CNTNAP5: variants seen among roughly 807,000 people sequenced by gnomAD.
CNTNAP5 encodes the protein contactin-associated protein-like 5.
A neutral mutation model predicts 150.2 loss-of-function variants in CNTNAP5; 72 were observed. The observed-to-expected ratio is 0.48, with a 90% confidence interval of 0.40 to 0.58. The LOEUF is 0.58. Ranked by LOEUF, CNTNAP5 falls within the 20% of genes least tolerant of loss-of-function variation. The probability of loss-of-function intolerance (pLI) is 0.00; values close to 1 mark genes in which losing one functional copy is unlikely to be tolerated. For synonymous variants in CNTNAP5, 672 were observed against 619.8 expected (o/e 1.08, Z -1.25); for missense variants, 1,636 against 1,626.2 (o/e 1.01, Z -0.10).
At chr2:124,678,065 G>A (rs1240764266) in intron 13 of CNTNAP5, among the ~76,000 whole-genome samples, 1 of 151,754 alleles carries the variant, frequency 6.6e-6, no homozygotes, top group Non-Finnish European at 1.5e-5. Flanking sequence ...GTTTTCCACT[G>A]TTGTCTTACA....
At position 124,873,842 on chromosome 2, in the gene CNTNAP5, G is replaced by A. The variant is rs143832540; in HGVS notation, c.3436+4080G>A. On this transcript the variant is annotated intron_variant, in intron 21 of 23. Transcript: ENST00000682447. Reference sequence around the variant, plus strand: ...TGGTAGATATGAAAAGAAAACATACGTAGTAAATCTAGTGTCTCAGTTTTC... The same window carrying A: ...TGGTAGATATGAAAAGAAAACATACATAGTAAATCTAGTGTCTCAGTTTTC... Among the ~76,000 whole-genome samples the A allele has an allele frequency of 4.0e-4, 61 of 152,098 alleles. 1 individual carries two copies. Among genetic ancestry groups the A allele is most frequent in the Middle Eastern group, 3.4e-3 (1 of 294 alleles).
intron 10 of CNTNAP5, among the ~76,000 whole-genome samples, chr2:124,529,938 T>C (rs1297309879): frequency 1.3e-5 from 2 of 152,216 alleles, no homozygotes; most frequent in African/African-American, 4.8e-5. Flanking sequence ...TTTTGTTTTT[T>C]GCTGGCCCCA....
At chr2:124,635,188 G>A (rs10196022) in intron 12 of CNTNAP5, among the ~76,000 whole-genome samples, 77,655 of 151,968 alleles carry the variant, frequency 0.51, 20,827 homozygotes, top group Non-Finnish European at 0.6. Context: ...ACTTTCAATC[G>A]TAATGGAAAG....
intron 19 of CNTNAP5, among the ~76,000 whole-genome samples, chr2:124,806,082 C>T (rs376623251): frequency 1.6e-4 from 25 of 152,152 alleles, no homozygotes; most frequent in African/African-American, 5.6e-4. Flanking sequence ...TCCATGTGCT[C>T]ATGGTAGAAA....
chr2:124,096,844 C>T (rs1248472227), intron 1 of CNTNAP5, among the ~76,000 whole-genome samples: 1 of 151,988 alleles, frequency 6.6e-6, no homozygotes, highest in Admixed American at 6.6e-5. Flanking sequence ...GCTGGGACTA[C>T]AGGAGCACAC....
chr2:124,763,762 C>G lies in CNTNAP5; in HGVS notation c.2325C>G (p.Ala775=). Residue 775 remains alanine (A), a synonymous_variant, in exon 15 of 24, where the codon GCC becomes GCG. Transcript: ENST00000682447. ...ITDTDRSNSE[A]AWRIGPLRCY... Reference sequence around the variant, plus strand: ...ATACCGACAGATCAAACTCAGAAGCCGCTTGGAGAATTGGTCCCTTGCGTT... The same window carrying G: ...ATACCGACAGATCAAACTCAGAAGCGGCTTGGAGAATTGGTCCCTTGCGTT... The G allele has an allele frequency of 6.2e-7, 1 of 1,613,070 alleles. No individual in the cohort carries two copies. Among genetic ancestry groups the G allele is most frequent in the Non-Finnish European group, 8.5e-7 (1 of 1,179,442 alleles).
chr2:124,730,607 A>C (rs1474350727), intron 13 of CNTNAP5, among the ~76,000 whole-genome samples: 1 of 152,014 alleles, frequency 6.6e-6, no homozygotes, highest in Non-Finnish European at 1.5e-5. Flanking sequence ...AAATAACTTT[A>C]TTTTGATTTC....
intron 13 of CNTNAP5, among the ~76,000 whole-genome samples, chr2:124,725,349 T>C (rs751144279): frequency 5.9e-5 from 9 of 152,136 alleles, no homozygotes; most frequent in Non-Finnish European, 1.2e-4. Context: ...GTATACATGA[T>C]GTTTTGATAC....
chr2:124,376,142 C>G (rs900145035), intron 3 of CNTNAP5, among the ~76,000 whole-genome samples: 1 of 151,968 alleles, frequency 6.6e-6, no homozygotes, highest in Non-Finnish European at 1.5e-5. Context: ...GCAATAATTG[C>G]CTTTTGTTTC....
intron 11 of CNTNAP5, among the ~76,000 whole-genome samples, chr2:124,594,742 C>A (rs930904682): frequency 7.5e-6 from 1 of 133,226 alleles, no homozygotes. Flanking sequence ...TGGCCATTTT[C>A]ACGATATTGA....
intron 19 of CNTNAP5, among the ~76,000 whole-genome samples, chr2:124,821,256 C>T (rs1178197162): frequency 6.6e-6 from 1 of 152,112 alleles, no homozygotes; most frequent in Non-Finnish European, 1.5e-5. Context: ...AGAAAAAGAG[C>T]CTGACCTAGA....
intron 21 of CNTNAP5, among the ~76,000 whole-genome samples, chr2:124,894,082 T>C (rs1678255439): frequency 6.6e-6 from 1 of 152,176 alleles, no homozygotes; most frequent in South Asian, 2.1e-4. Context: ...TGTGTGTAAC[T>C]GACTGTTGGT....
chr2:124,056,215 C>A (rs1344334021), intron 1 of CNTNAP5, among the ~76,000 whole-genome samples: 2 of 152,192 alleles, frequency 1.3e-5, no homozygotes, highest in African/African-American at 4.8e-5. Context: ...ACTCAAGTTT[C>A]TAGAAAGGCT....
chr2:124,451,019 C>A (rs527385874), intron 6 of CNTNAP5, among the ~76,000 whole-genome samples: 3 of 89,780 alleles, frequency 3.3e-5, no homozygotes, highest in Non-Finnish European at 5.9e-5. Flanking sequence ...CAGAATAGGA[C>A]CATGTCTCTT....
chr2:124,061,587 CA>C (rs763985225), intron 1 of CNTNAP5, among the ~76,000 whole-genome samples: 17 of 150,882 alleles, frequency 1.1e-4, no homozygotes, highest in Non-Finnish European at 1.9e-4. Context: ...GCTGATAATA[CA>C]AAAAAAAGTG....
intron 8 of CNTNAP5, among the ~76,000 whole-genome samples, chr2:124,520,202 A>C (rs550477337): frequency 2.6e-5 from 4 of 152,302 alleles, no homozygotes; most frequent in South Asian, 4.1e-4. Flanking sequence ...TATGATGTTT[A>C]ATGACTACAT....
intron 13 of CNTNAP5, among the ~76,000 whole-genome samples, chr2:124,664,326 A>G (rs1329044245): frequency 3.0e-5 from 1 of 32,878 alleles, no homozygotes; most frequent in East Asian, 3.4e-4. Flanking sequence ...CTGTCTCAAG[A>G]AAAAAAAAAA....
intron 16 of CNTNAP5, among the ~76,000 whole-genome samples, chr2:124,769,252 A>C (rs1318557593): frequency 6.6e-6 from 1 of 152,154 alleles, no homozygotes; most frequent in Non-Finnish European, 1.5e-5. Flanking sequence ...TCCTAGGAGC[A>C]CTTGGTAGAA....
intron 12 of CNTNAP5, among the ~76,000 whole-genome samples, chr2:124,631,941 C>G (rs144033886): frequency 6.6e-6 from 1 of 152,038 alleles, no homozygotes; most frequent in African/African-American, 2.4e-5. Flanking sequence ...GGCACACATG[C>G]GGCCAATAAA....
Sources: gnomAD v4.1 joint callset for allele counts (sites outside exome capture counted in the v4.1 genomes callset) on GRCh38, gnomAD v4.1.1 for gene constraint, MANE v1.5 for transcripts, NCBI Gene and HGNC (gene_info 2026-07-23, HGNC 2026-07-21) for gene names.